Variants in IL1RAPL1 observed in about 807,000 individuals in gnomAD.
The protein encoded by IL1RAPL1 is interleukin 1 receptor accessory protein like 1.
A neutral mutation model predicts 48.4 loss-of-function variants in IL1RAPL1; 3 were observed. The ratio of observed to expected loss-of-function variants is 0.06; its 90% confidence interval spans 0.03 to 0.16. The LOEUF (loss-of-function observed/expected upper bound fraction) is 0.16, where lower values mean the gene tolerates loss of function less well. Among genes scored for constraint, IL1RAPL1 ranks in the 10% least tolerant of loss-of-function variants. The pLI is 1.00. For missense variants in IL1RAPL1, 349 were observed against 530.6 expected, an observed-to-expected ratio of 0.66 and a Z score of 3.36; for synonymous variants, 185 against 187.7, an observed-to-expected ratio of 0.99 and a Z score of 0.12.
chrX:29,078,199 G>A (rs1927723773), intron 2 of IL1RAPL1, among the ~76,000 whole-genome samples: 1 of 111,934 alleles, frequency 8.9e-6, no homozygotes, highest in Non-Finnish European at 1.9e-5. Context: ...TTGAACCTGG[G>A]AGGTGGAGGT....
At chrX:29,222,676 A>T (rs1931005247) in intron 2 of IL1RAPL1, among the ~76,000 whole-genome samples, 1 of 111,808 alleles carries the variant, frequency 8.9e-6, no homozygotes, top group African/African-American at 3.2e-5. Context: ...CTGTTTCTAT[A>T]TTGCAATGAT....
chrX:28,961,437 C>G (rs1924773773), intron 2 of IL1RAPL1, among the ~76,000 whole-genome samples: 1 of 110,569 alleles, frequency 9.0e-6, no homozygotes, highest in African/African-American at 3.3e-5. Flanking sequence ...ATCTATCAAC[C>G]CATCATCTAG....
intron 2 of IL1RAPL1, among the ~76,000 whole-genome samples, chrX:29,258,004 G>A (rs1466477590): frequency 9.0e-6 from 1 of 111,189 alleles, no homozygotes; most frequent in Non-Finnish European, 1.9e-5. Context: ...CCTTGAAATG[G>A]GGTTTTCCCG....
At chrX:29,241,247 C>T (rs1302667615) in intron 2 of IL1RAPL1, among the ~76,000 whole-genome samples, 1 of 111,745 alleles carries the variant, frequency 8.9e-6, no homozygotes, top group East Asian at 2.8e-4. Flanking sequence ...AACTCCCTTT[C>T]GGGCTGAACT....
At chrX:29,522,722 A>C (rs1057461763) in intron 5 of IL1RAPL1, among the ~76,000 whole-genome samples, 3 of 112,220 alleles carry the variant, frequency 2.7e-5, no homozygotes, top group Admixed American at 9.4e-5. Flanking sequence ...ATCATACTTA[A>C]AGGGATTCAG....
chrX:29,572,541 C>G (rs539641233), intron 5 of IL1RAPL1, among the ~76,000 whole-genome samples: 1 of 111,815 alleles, frequency 8.9e-6, no homozygotes, highest in African/African-American at 3.2e-5. Flanking sequence ...AAATTAAAAC[C>G]CTTTTTCAAA....
At chrX:29,363,765 T>A (rs1165354232) in intron 3 of IL1RAPL1, among the ~76,000 whole-genome samples, 1 of 110,705 alleles carries the variant, frequency 9.0e-6, no homozygotes, top group Non-Finnish European at 1.9e-5. Context: ...CACTTTTAAA[T>A]GACCAGATCT....
intron 6 of IL1RAPL1, among the ~76,000 whole-genome samples, chrX:29,709,500 C>T (rs773992763): frequency 9.0e-6 from 1 of 110,612 alleles, no homozygotes; most frequent in Non-Finnish European, 1.9e-5. Flanking sequence ...TTCCATTGGT[C>T]GATGTGTCTC....
intron 5 of IL1RAPL1, among the ~76,000 whole-genome samples, chrX:29,441,207 C>G (rs895718922): frequency 1.8e-5 from 2 of 111,361 alleles, no homozygotes; most frequent in African/African-American, 6.5e-5. Context: ...CTAACATCTC[C>G]CCTCCTTTAT....
Position 29,158,910 on chromosome X carries a change from T to TTCTTTTCTC in IL1RAPL1, c.83-124025_83-124024insTTTCTCTCT, listed in dbSNP as rs1555969872. Among the ~76,000 whole-genome samples, 332 of 84,446 alleles carry TTCTTTTCTC rather than the reference T, an allele frequency of 3.9e-3. 4 individuals carry two copies. The highest frequency in any genetic ancestry group is 0.016 in the African/African-American group (311 of 19,515). The allele number at this position is 84,446 out of a possible 115,157, so 73.3% of individuals were successfully genotyped here. On this transcript the variant is annotated intron_variant, in intron 2 of 10. Coordinates refer to ENST00000378993, the MANE Select transcript of IL1RAPL1 (RefSeq NM_014271.4). ...TCTTTCTTTTCTTTTTTCTTTTCTT[T>TTCTTTTCTC]TCTCTCTCTCTCTCTCTCTCTCCCC...
At chrX:29,640,995 A>G in intron 5 of IL1RAPL1, among the ~76,000 whole-genome samples, 1 of 94,850 alleles carries the variant, frequency 1.1e-5, no homozygotes, top group Middle Eastern at 5.4e-3. Flanking sequence ...TGAGAACCCC[A>G]TCTCTTAAAA....
At chrX:29,170,047 A>G (rs1469633625) in intron 2 of IL1RAPL1, among the ~76,000 whole-genome samples, 1 of 111,669 alleles carries the variant, frequency 9.0e-6, no homozygotes, top group Non-Finnish European at 1.9e-5. Context: ...CTAAATTTGT[A>G]CCCCAGCATT....
intron 6 of IL1RAPL1, among the ~76,000 whole-genome samples, chrX:29,871,543 G>T (rs1200023127): frequency 1.8e-5 from 2 of 111,843 alleles, no homozygotes; most frequent in Admixed American, 1.9e-4. Context: ...TGACCTGAAA[G>T]TGACAAAGTT....
intron 6 of IL1RAPL1, among the ~76,000 whole-genome samples, chrX:29,689,180 T>C (rs2147110012): frequency 8.9e-6 from 1 of 111,843 alleles, no homozygotes; most frequent in East Asian, 2.8e-4. Context: ...ACAAATAAAA[T>C]CTCGGAGATA....
At chrX:29,287,024 A>T (rs1932293447) in intron 3 of IL1RAPL1, among the ~76,000 whole-genome samples, 1 of 111,223 alleles carries the variant, frequency 9.0e-6, no homozygotes. Flanking sequence ...TACAGTCAAG[A>T]TACAAAACAA....
chrX:28,792,639 T>C (rs768527648), intron 2 of IL1RAPL1, among the ~76,000 whole-genome samples: 27 of 101,339 alleles, frequency 2.7e-4, no homozygotes, highest in Admixed American at 8.7e-4. Context: ...TACAAAAAAA[T>C]TAGCCGGGCG....
At chrX:29,402,840 C>A (rs1934011062) in intron 5 of IL1RAPL1, among the ~76,000 whole-genome samples, 1 of 109,496 alleles carries the variant, frequency 9.1e-6, no homozygotes, top group African/African-American at 3.3e-5. Flanking sequence ...TGTCGAATGT[C>A]CTATATTTGG....
At chrX:29,802,865 A>C (rs1601829571) in intron 6 of IL1RAPL1, among the ~76,000 whole-genome samples, 1 of 90,798 alleles carries the variant, frequency 1.1e-5, no homozygotes, top group African/African-American at 4.2e-5. Context: ...ATACGTGTAC[A>C]TATGTATACA....
intron 5 of IL1RAPL1, among the ~76,000 whole-genome samples, chrX:29,442,727 C>T (rs188510449): frequency 2.4e-4 from 26 of 109,226 alleles, no homozygotes; most frequent in African/African-American, 8.3e-4. Flanking sequence ...GTGTGCTGGT[C>T]CATGTCTGTG....
Sources: gnomAD v4.1 joint callset for allele counts (sites outside exome capture counted in the v4.1 genomes callset) on GRCh38, gnomAD v4.1.1 for gene constraint, MANE v1.5 for transcripts, NCBI Gene and HGNC (gene_info 2026-07-23, HGNC 2026-07-21) for gene names.